Variants in EXOC4 observed in about 807,000 individuals in gnomAD.
The protein encoded by EXOC4 is SEC8-like 1.
In EXOC4, 71 loss-of-function variants were observed where a neutral mutation model predicts 107.2. That is an observed-to-expected ratio of 0.66 (90% CI 0.55 to 0.81). The LOEUF (loss-of-function observed/expected upper bound fraction) is 0.81. Among genes scored for constraint, EXOC4 ranks in the 30% least tolerant of loss-of-function variants. The probability of loss-of-function intolerance (pLI) is 0.00; values close to 1 mark genes in which losing one functional copy is unlikely to be tolerated. For missense variants in EXOC4, 1,108 were observed against 1,189.6 expected (o/e 0.93, Z 1.01); for synonymous variants, 456 against 441.2 (o/e 1.03, Z -0.42).
At chr7:133,854,431 C>T (rs1461386073) in intron 11 of EXOC4, among the ~76,000 whole-genome samples, 4 of 151,646 alleles carry the variant, frequency 2.6e-5, no homozygotes, top group Non-Finnish European at 4.4e-5. Flanking sequence ...CACACACACA[C>T]ACACACACAC....
At chr7:133,261,518 G>A (rs1305367807) in intron 1 of EXOC4, among the ~76,000 whole-genome samples, 1 of 152,096 alleles carries the variant, frequency 6.6e-6, no homozygotes, top group East Asian at 1.9e-4. Flanking sequence ...GCCTCAGCCT[G>A]TGAGCCACCA....
intron 10 of EXOC4, among the ~76,000 whole-genome samples, chr7:133,743,032 C>CT (rs1795600662): frequency 6.6e-6 from 1 of 152,140 alleles, no homozygotes; most frequent in Non-Finnish European, 1.5e-5. Context: ...AAAGTCTGTA[C>CT]TGTACATGTG....
At chr7:133,512,660 C>T (rs996145967) in intron 9 of EXOC4, among the ~76,000 whole-genome samples, 34 of 152,128 alleles carry the variant, frequency 2.2e-4, no homozygotes, top group Admixed American at 6.5e-4. Context: ...TAGCTCAAAA[C>T]CAAACCAAAC....
chr7:133,584,421 C>T (rs1277537853), intron 9 of EXOC4, among the ~76,000 whole-genome samples: 1 of 152,046 alleles, frequency 6.6e-6, no homozygotes. Flanking sequence ...AGTTGGAAGC[C>T]AGAGTTGGGA....
At chr7:133,939,643 T>C (rs1172712680) in intron 14 of EXOC4, among the ~76,000 whole-genome samples, 3 of 152,252 alleles carry the variant, frequency 2.0e-5, no homozygotes, top group African/African-American at 7.2e-5. Context: ...ACTACAAGCA[T>C]GCACCACCAT....
chr7:133,275,567 CT>C (rs1011198347), intron 2 of EXOC4, among the ~76,000 whole-genome samples: 15 of 152,308 alleles, frequency 9.8e-5, no homozygotes, highest in Admixed American at 3.3e-4. Flanking sequence ...AATATTCTGA[CT>C]GTTGATTCAA....
chr7:133,693,047 G>C (rs1333193910), intron 10 of EXOC4, among the ~76,000 whole-genome samples: 1 of 152,116 alleles, frequency 6.6e-6, no homozygotes, highest in Non-Finnish European at 1.5e-5. Flanking sequence ...AGAACTGATA[G>C]GATAGATGTA....
intron 7 of EXOC4, among the ~76,000 whole-genome samples, chr7:133,433,984 G>T (rs1248115681): frequency 6.6e-6 from 1 of 152,164 alleles, no homozygotes; most frequent in Non-Finnish European, 1.5e-5. Context: ...AATACACAAA[G>T]ATAGTATCTT....
chr7:133,699,594 GTAATGT>G (rs1375534790), intron 10 of EXOC4, among the ~76,000 whole-genome samples: 2 of 152,142 alleles, frequency 1.3e-5, no homozygotes, highest in Non-Finnish European at 2.9e-5. Flanking sequence ...TGGCCTTTAT[GTAATGT>G]TGTGGTTTTG....
At chr7:133,942,837 T>C (rs1336191688) in intron 14 of EXOC4, among the ~76,000 whole-genome samples, 3 of 152,188 alleles carry the variant, frequency 2.0e-5, no homozygotes, top group Non-Finnish European at 2.9e-5. Flanking sequence ...CACCTAAATA[T>C]ATGGAATTAT....
At chr7:133,794,342 G>GAGA (rs1266771246) in intron 10 of EXOC4, among the ~76,000 whole-genome samples, 1 of 152,124 alleles carries the variant, frequency 6.6e-6, no homozygotes, top group Non-Finnish European at 1.5e-5. Flanking sequence ...TCTCTCTCCT[G>GAGA]GTTTAAGTGG....
At chr7:133,433,616 A>G (rs1429337956) in intron 7 of EXOC4, among the ~76,000 whole-genome samples, 2 of 152,230 alleles carry the variant, frequency 1.3e-5, no homozygotes, top group Non-Finnish European at 2.9e-5. Flanking sequence ...TTTGTTACTC[A>G]GTATTGTGGC....
chr7:133,869,589 A>G (rs190900621), intron 11 of EXOC4, among the ~76,000 whole-genome samples: 1 of 152,276 alleles, frequency 6.6e-6, no homozygotes, highest in Admixed American at 6.5e-5. Flanking sequence ...TCACTAAATG[A>G]TTGTTCTGGA....
intron 10 of EXOC4, among the ~76,000 whole-genome samples, chr7:133,762,563 A>G (rs944617694): frequency 1.3e-5 from 2 of 152,158 alleles, no homozygotes; most frequent in African/African-American, 4.8e-5. Context: ...AAGGTGCTAG[A>G]TTGATATGCA....
intron 9 of EXOC4, among the ~76,000 whole-genome samples, chr7:133,612,723 AG>A (rs1802098523): frequency 6.6e-6 from 1 of 152,162 alleles, no homozygotes; most frequent in Non-Finnish European, 1.5e-5. Context: ...GGAAGGTAGT[AG>A]CAGTGAGGGT....
intron 7 of EXOC4, among the ~76,000 whole-genome samples, chr7:133,468,091 T>C (rs1288918378): frequency 1.3e-5 from 2 of 152,206 alleles, no homozygotes; most frequent in Non-Finnish European, 2.9e-5. Flanking sequence ...AAACTGGGCT[T>C]TCTTTGCTAA....
chr7:133,402,488 C>T (rs896131009), intron 7 of EXOC4, among the ~76,000 whole-genome samples: 4 of 152,020 alleles, frequency 2.6e-5, no homozygotes, highest in South Asian at 2.1e-4. Context: ...AGAGAATTTG[C>T]GTTTCATTCA....
chr7:134,073,380 C>T, the EXOC4 span, among the ~76,000 whole-genome samples: 1 of 151,824 alleles, frequency 6.6e-6, no homozygotes, highest in Non-Finnish European at 1.5e-5. Context: ...CCCCTCCCCA[C>T]ACATGCCGAC....
chr7:133,964,176 C>G (rs926104031), intron 14 of EXOC4, among the ~76,000 whole-genome samples: 1 of 152,052 alleles, frequency 6.6e-6, no homozygotes, highest in Non-Finnish European at 1.5e-5. Context: ...AACCCCAAAC[C>G]TCCTTAGAAA....
Sources: gnomAD v4.1 joint callset for allele counts (sites outside exome capture counted in the v4.1 genomes callset) on GRCh38, gnomAD v4.1.1 for gene constraint, MANE v1.5 for transcripts, NCBI Gene and HGNC (gene_info 2026-07-23, HGNC 2026-07-21) for gene names.